The following TIPIN variants were observed in gnomAD, a reference collection of about 807,000 sequenced individuals.
The protein encoded by TIPIN is TIMELESS interacting protein.
TIPIN carries 29 observed loss-of-function variants against 35.6 expected under a neutral mutation model. The ratio of observed to expected loss-of-function variants is 0.82; its 90% CI spans 0.61 to 1.11. The LOEUF (loss-of-function observed/expected upper bound fraction) is 1.11, where lower values mean the gene tolerates loss of function less well. Among genes scored for constraint, TIPIN ranks in the 50% most tolerant of loss-of-function variants. The pLI is 0.00. For missense variants in TIPIN, 296 were observed against 345.4 expected (o/e 0.86, Z 1.13); for synonymous variants, 102 against 121.5 (o/e 0.84, Z 1.06).
At position 66,371,386 on chromosome 15, in the gene TIPIN, A is replaced by T. The variant is rs952783740; in HGVS notation, c.-9+15221T>A. 3.0e-6 allele frequency: 3 copies of T among 984,912 alleles called. No individual in the cohort carries two copies. In the African/African-American group the frequency reaches 5.2e-5, roughly 17 times the overall value. The allele number at this position is 984,912 out of a possible 1,614,324, so 61.0% of individuals were successfully genotyped here. Reference sequence around the variant, plus strand: ...AAGTGTTTTAATGTGAGAAAGGCCTATATCATTTTTTTCAACCTAAAAAGC... The same window carrying T: ...AAGTGTTTTAATGTGAGAAAGGCCTTTATCATTTTTTTCAACCTAAAAAGC... On this transcript the variant is annotated intron_variant, in intron 1 of 7. Coordinates refer to the TIPIN transcript ENST00000562124.
At chr15:66,383,351 C>T (rs181414615) in intron 1 of TIPIN, among the ~76,000 whole-genome samples, 2 of 151,994 alleles carry the variant, frequency 1.3e-5, no homozygotes, top group African/African-American at 2.4e-5. Flanking sequence ...TAACCTCCAC[C>T]TCCTGGGTTC....
In TIPIN at chr15:66,363,598, C is replaced by T. The variant is rs12593097; in HGVS notation, c.-8-10643G>A. Among the ~76,000 whole-genome samples the T allele has an allele frequency of 3.5e-4, 52 of 150,250 alleles. No homozygotes were observed. In the East Asian group the frequency reaches 9.7e-3, roughly 28 times the overall value. On this transcript the variant is annotated intron_variant, in intron 1 of 7. Coordinates refer to the TIPIN transcript ENST00000562124. ...CGGAGATTGCAGTGAGCCGAGATCGCGCCACTGCACACCAGCCTGGGCAAC... is the reference window on the plus strand; with the variant it reads ...CGGAGATTGCAGTGAGCCGAGATCGTGCCACTGCACACCAGCCTGGGCAAC...
intron 1 of TIPIN, among the ~76,000 whole-genome samples, chr15:66,381,890 C>T (rs1447272328): frequency 6.6e-6 from 1 of 152,130 alleles, no homozygotes; most frequent in African/African-American, 2.4e-5. Flanking sequence ...ATGGCGAAAC[C>T]CTGTCTCTAC....
At chr15:66,347,884 C>T (rs2093137748) in intron 6 of TIPIN, among the ~76,000 whole-genome samples, 1 of 152,010 alleles carries the variant, frequency 6.6e-6, no homozygotes, top group Non-Finnish European at 1.5e-5. Flanking sequence ...ACGCCCAGCC[C>T]ACTACCAAGG....
At chr15:66,352,078 A>G in intron 3 of TIPIN, 51 bp downstream of exon 3, 1 of 1,398,642 alleles carries the variant, frequency 7.1e-7, no homozygotes, top group East Asian at 2.6e-5. Context: ...AAGAAAAACA[A>G]TGGATATTAA....
At chr15:66,367,244 CTATCTA>C (rs1566983198) in intron 1 of TIPIN, among the ~76,000 whole-genome samples, 1 of 146,560 alleles carries the variant, frequency 6.8e-6, no homozygotes. Context: ...ATATCTATAT[CTATCTA>C]TATATCTATA....
intron 4 of TIPIN, 25 bp from the exon 5 acceptor site, chr15:66,349,462 A>G (rs1459451318): frequency 6.2e-7 from 1 of 1,605,552 alleles, no homozygotes; most frequent in African/African-American, 1.3e-5. Context: ...TAAAAATGCT[A>G]AACAGGAGTC....
Position 66,336,933 on chromosome 15 carries a change from A to T in TIPIN, c.*25T>A. 1 of 1,596,258 alleles carries T rather than the reference A, an allele frequency of 6.3e-7. No homozygotes were observed. The highest frequency in any genetic ancestry group is 8.6e-7 in the Non-Finnish European group (1 of 1,166,626). The stretch of plus-strand genomic sequence containing the variant: ...CAAGCTTGCAGGACGATGACTTAAC[A>T]GATACATTTTCTCTTAATGGAAACT... On this transcript the variant is annotated 3_prime_UTR_variant, in exon 8 of 8. Coordinates refer to ENST00000261881, the MANE Select transcript of TIPIN (RefSeq NM_017858.3).
At chr15:66,381,911 A>C (rs1255473374) in intron 1 of TIPIN, among the ~76,000 whole-genome samples, 1 of 152,114 alleles carries the variant, frequency 6.6e-6, no homozygotes, top group Non-Finnish European at 1.5e-5. Context: ...TAAAAATACA[A>C]AAAATTAGCT....
chr15:66,379,377 T>C (rs2140499962), intron 1 of TIPIN: 2 of 1,598,786 alleles, frequency 1.3e-6, no homozygotes, highest in African/African-American at 1.3e-5. Context: ...TTCAGAGACA[T>C]AGATACCATT....
intron 1 of TIPIN, among the ~76,000 whole-genome samples, chr15:66,371,936 A>G (rs2093279242): frequency 6.6e-6 from 1 of 152,130 alleles, no homozygotes; most frequent in Non-Finnish European, 1.5e-5. Context: ...GTGGGACTAC[A>G]GGCACTTGCC....
chr15:66,353,895 C>T (rs1205694570), intron 1 of TIPIN, among the ~76,000 whole-genome samples: 2 of 151,822 alleles, frequency 1.3e-5, no homozygotes, highest in Admixed American at 6.6e-5. Flanking sequence ...CAGAGGCAGA[C>T]GGACCATGAG....
At chr15:66,350,896 C>G (rs2093163118) in intron 4 of TIPIN, among the ~76,000 whole-genome samples, 3 of 139,200 alleles carry the variant, frequency 2.2e-5, no homozygotes, top group Non-Finnish European at 4.6e-5. Flanking sequence ...GATTGCGCCA[C>G]TGCACTCCAG....
intron 1 of TIPIN, among the ~76,000 whole-genome samples, chr15:66,371,008 C>T (rs1039252059): frequency 6.6e-6 from 1 of 152,028 alleles, no homozygotes; most frequent in Admixed American, 6.6e-5. Flanking sequence ...GCCAGGAGTT[C>T]GAGACCAGCC....
chr15:66,372,898 G>A (rs1033062478), intron 1 of TIPIN, among the ~76,000 whole-genome samples: 3 of 151,406 alleles, frequency 2.0e-5, no homozygotes, highest in Non-Finnish European at 2.9e-5. Context: ...GCAAGACCCC[G>A]TCTTGGGGAA....
In TIPIN at chr15:66,336,890, A is replaced by G; in HGVS notation, c.*68T>C. The G allele has an allele frequency of 1.4e-6, 2 of 1,404,978 alleles. No homozygotes were observed. The highest frequency in any genetic ancestry group is 2.0e-6 in the Non-Finnish European group (2 of 1,018,124). 87.0% of individuals were successfully genotyped at this position (1,404,978 alleles called of 1,614,324 possible). A position where few individuals can be genotyped will look rare whatever the true frequency, so the allele number is the denominator to read the frequency against. ...TCTAAGGATTTTCACTCCAAGAAGA[A>G]AAAATACATAGTAACGCCAAGCTTG... On this transcript the variant is annotated 3_prime_UTR_variant, in exon 8 of 8. Transcript: ENST00000261881.
chr15:66,369,345 CACA>C (rs1434022005), intron 1 of TIPIN, among the ~76,000 whole-genome samples: 1 of 139,936 alleles, frequency 7.1e-6, no homozygotes, highest in Non-Finnish European at 1.5e-5. Flanking sequence ...AATAATAGTT[CACA>C]ATATCTTTTT....
chr15:66,348,888 T>TA (rs1335305843), intron 6 of TIPIN, among the ~76,000 whole-genome samples, 172 bp downstream of exon 6: 1 of 152,136 alleles, frequency 6.6e-6, no homozygotes, highest in Non-Finnish European at 1.5e-5. Flanking sequence ...AAGGCTGCAG[T>TA]AAGCTATGAT....
chr15:66,380,497 C>T (rs769547381), intron 1 of TIPIN, among the ~76,000 whole-genome samples: 9 of 151,982 alleles, frequency 5.9e-5, no homozygotes, highest in Non-Finnish European at 1.2e-4. Flanking sequence ...ATAGACGTTA[C>T]GTTTTTTCTG....
Sources: allele counts gnomAD v4.1 joint callset (sites outside exome capture counted in the v4.1 genomes callset), GRCh38; gene constraint gnomAD v4.1.1; transcripts MANE v1.5; gene names NCBI Gene and HGNC (gene_info 2026-07-23, HGNC 2026-07-21).